Variants in ASTN2 observed in about 807,000 individuals in gnomAD.
ASTN2 encodes astrotactin-2.
Under a neutral mutation model 139.8 loss-of-function variants are expected in ASTN2, and 54 were observed. That is an observed-to-expected ratio of 0.39 (90% CI 0.31 to 0.48). ASTN2 has a LOEUF of 0.48. Ranked by LOEUF, ASTN2 falls within the 20% of genes least tolerant of loss-of-function variation. The pLI, the probability that ASTN2 is intolerant of heterozygous loss-of-function variation, is 0.95. For synonymous variants in ASTN2, 756 were observed against 719.5 expected (o/e 1.05, Z -0.81); for missense variants, 1,565 against 1,725.1 (o/e 0.91, Z 1.64).
At chr9:116,889,556 A>G (rs939484832) in intron 10 of ASTN2, among the ~76,000 whole-genome samples, 6 of 151,664 alleles carry the variant, frequency 4.0e-5, no homozygotes, top group Admixed American at 3.9e-4. Flanking sequence ...CATCCTCAGG[A>G]ATTAGAACTG....
intron 20 of ASTN2, among the ~76,000 whole-genome samples, chr9:116,447,741 C>A (rs536139469): frequency 2.0e-5 from 3 of 152,294 alleles, no homozygotes; most frequent in African/African-American, 7.2e-5. Context: ...GTGCTCAGCA[C>A]AATGCCCGAC....
chr9:116,976,993 GGCCACACTC>G (rs1174334554), intron 7 of ASTN2, among the ~76,000 whole-genome samples: 1 of 151,916 alleles, frequency 6.6e-6, no homozygotes, highest in African/African-American at 2.4e-5. Flanking sequence ...AACAAATCCT[GGCCACACTC>G]GTACAGGTGC....
intron 4 of ASTN2, among the ~76,000 whole-genome samples, chr9:117,116,503 C>T (rs1176198774): frequency 6.6e-6 from 1 of 151,908 alleles, no homozygotes; most frequent in East Asian, 1.9e-4. Flanking sequence ...ACAGATTCAA[C>T]TGCTAACTTG....
At chr9:116,630,563 C>T (rs921619102) in intron 17 of ASTN2, among the ~76,000 whole-genome samples, 1 of 152,038 alleles carries the variant, frequency 6.6e-6, no homozygotes, top group Non-Finnish European at 1.5e-5. Context: ...ACCAGTTAAC[C>T]TTGTCTTGGT....
intron 10 of ASTN2, among the ~76,000 whole-genome samples, chr9:116,931,592 C>A (rs1834899603): frequency 6.6e-6 from 1 of 152,164 alleles, no homozygotes; most frequent in Non-Finnish European, 1.5e-5. Flanking sequence ...CACATCGATG[C>A]CACAAGTGAT....
At chr9:117,064,922 C>T (rs1331614337) in intron 5 of ASTN2, among the ~76,000 whole-genome samples, 1 of 152,012 alleles carries the variant, frequency 6.6e-6, no homozygotes, top group African/African-American at 2.4e-5. Flanking sequence ...GTGGCTATTA[C>T]AAGACATGTC....
intron 1 of ASTN2, among the ~76,000 whole-genome samples, chr9:117,312,520 C>A (rs2130817558): frequency 6.6e-6 from 1 of 152,276 alleles, no homozygotes; most frequent in African/African-American, 2.4e-5. Context: ...GTTTTCCAAT[C>A]ATCATTATGC....
chr9:116,486,250 T>TA (rs1238265545), intron 20 of ASTN2, among the ~76,000 whole-genome samples: 1 of 152,210 alleles, frequency 6.6e-6, no homozygotes, highest in Non-Finnish European at 1.5e-5. Context: ...CCACAGTGCT[T>TA]AGCGCAGAAC....
chr9:116,617,970 C>T (rs752850354), intron 19 of ASTN2, among the ~76,000 whole-genome samples: 3 of 152,162 alleles, frequency 2.0e-5, no homozygotes, highest in South Asian at 4.1e-4. Context: ...AATTTCCTTA[C>T]CTCAGTTCCA....
intron 1 of ASTN2, among the ~76,000 whole-genome samples, chr9:117,316,343 T>A (rs563050324): frequency 3.9e-5 from 6 of 152,092 alleles, no homozygotes; most frequent in African/African-American, 1.4e-4. Flanking sequence ...GTGTTGAGAA[T>A]TGGAGGTGGG....
At chr9:117,375,101 G>A (rs1309156677) in intron 1 of ASTN2, among the ~76,000 whole-genome samples, 1 of 152,144 alleles carries the variant, frequency 6.6e-6, no homozygotes, top group Non-Finnish European at 1.5e-5. Flanking sequence ...GTTTCAACAA[G>A]AAACATCCTC....
At chr9:116,625,240 C>T (rs142227918) in intron 17 of ASTN2, among the ~76,000 whole-genome samples, 17,295 of 152,020 alleles carry the variant, frequency 0.11, 1,048 homozygotes, top group East Asian at 0.15. Context: ...ACCAGCCTGG[C>T]CAACATGGTG....
chr9:116,454,481 A>G (rs571072772), intron 20 of ASTN2, among the ~76,000 whole-genome samples: 11 of 152,296 alleles, frequency 7.2e-5, no homozygotes, highest in Admixed American at 6.5e-4. Flanking sequence ...ATTGTGGAAG[A>G]CAGTGTGGTG....
At chr9:117,341,889 GGAA>G (rs1468698403) in intron 1 of ASTN2, among the ~76,000 whole-genome samples, 12 of 152,106 alleles carry the variant, frequency 7.9e-5, no homozygotes, top group Non-Finnish European at 1.6e-4. Context: ...TAGAGGTAAT[GGAA>G]GAAGATTGTT....
At chr9:116,442,385 G>GA in intron 21 of ASTN2, 68 bp downstream of exon 21, 1 of 1,214,888 alleles carries the variant, frequency 8.2e-7, no homozygotes, top group Non-Finnish European at 1.2e-6. Context: ...AATGATTAGT[G>GA]ACTGTTGGGT....
chr9:116,966,860 A>T (rs1836025487), intron 10 of ASTN2, among the ~76,000 whole-genome samples: 1 of 152,150 alleles, frequency 6.6e-6, no homozygotes, highest in Non-Finnish European at 1.5e-5. Context: ...AATAGACCAA[A>T]TGCTCAACAA....
intron 4 of ASTN2, among the ~76,000 whole-genome samples, chr9:117,127,773 C>G (rs142667995): frequency 2.0e-5 from 3 of 149,186 alleles, no homozygotes; most frequent in South Asian, 2.1e-4. Flanking sequence ...CTCCACCTCC[C>G]GGGTTCACGC....
rs1252642911 is a variant in ASTN2, at chr9:116,642,132, C to CAAAAAAAAAA, written c.3072+9386_3072+9395dup. Among the ~76,000 whole-genome samples, 21 of 48,920 alleles carry CAAAAAAAAAA rather than the reference C, an allele frequency of 4.3e-4. 2 individuals carry two copies. Among genetic ancestry groups the CAAAAAAAAAA allele is most frequent in the Non-Finnish European group, 4.7e-4 (13 of 27,652 alleles). The allele number at this position is 48,920 out of a possible 152,430, so 32.1% of individuals were successfully genotyped here. A position where few individuals can be genotyped will look rare whatever the true frequency, so the allele number is the denominator to read the frequency against. ...TGGGAAAATGAAGGCTCCCAACCCACAAAAAAAAAAAAACAAAAAAAAACA... is the reference window on the plus strand; with the variant it reads ...TGGGAAAATGAAGGCTCCCAACCCACAAAAAAAAAAAAAAAAAAAAAAACAAAAAAAAACA... On this transcript the variant is annotated intron_variant, in intron 17 of 22. Coordinates refer to ENST00000313400, the MANE Select transcript of ASTN2 (RefSeq NM_001365068.1).
At chr9:116,836,549 G>C in intron 11 of ASTN2, among the ~76,000 whole-genome samples, 1 of 151,686 alleles carries the variant, frequency 6.6e-6, no homozygotes, top group East Asian at 1.9e-4. Flanking sequence ...TCCTTTTCCC[G>C]GTATTTTGGC....
Sources: allele counts gnomAD v4.1 joint callset (sites outside exome capture counted in the v4.1 genomes callset), GRCh38; gene constraint gnomAD v4.1.1; transcripts MANE v1.5; gene names NCBI Gene and HGNC (gene_info 2026-07-23, HGNC 2026-07-21).